EPS15L1: variants seen among roughly 807,000 people sequenced by gnomAD.
The protein encoded by EPS15L1 is epidermal growth factor receptor pathway substrate 15 like 1, also known as epidermal growth factor receptor substrate 15-like 1.
EPS15L1 carries 43 observed loss-of-function variants against 117.1 expected under a neutral mutation model. The observed-to-expected ratio is 0.37, with a 90% CI of 0.29 to 0.47. The LOEUF (loss-of-function observed/expected upper bound fraction) is 0.47, where lower values mean the gene tolerates loss of function less well. EPS15L1 is among the 20% of genes least tolerant of loss of function. The pLI is 0.99. For synonymous variants in EPS15L1, 459 were observed against 470.5 expected (o/e 0.98, Z 0.32); for missense variants, 981 against 1,164.0 (o/e 0.84, Z 2.29).
intron 9 of EPS15L1, among the ~76,000 whole-genome samples, chr19:16,424,507 T>C (rs1166768762): frequency 6.6e-6 from 1 of 151,898 alleles, no homozygotes; most frequent in Non-Finnish European, 1.5e-5. Flanking sequence ...TCAAAACTCT[T>C]GGCAAGAGCT....
At chr19:16,449,669 G>A (rs2093120911) in intron 1 of EPS15L1, among the ~76,000 whole-genome samples, 1 of 152,148 alleles carries the variant, frequency 6.6e-6, no homozygotes, top group African/African-American at 2.4e-5. Flanking sequence ...GAGAAATGAA[G>A]AGTCATGTTC....
chr19:16,444,605 C>T (rs1478268646), intron 1 of EPS15L1, among the ~76,000 whole-genome samples: 4 of 152,136 alleles, frequency 2.6e-5, no homozygotes, highest in African/African-American at 4.8e-5. Flanking sequence ...CAGGTCTAGG[C>T]AGCAAACAGC....
At position 16,433,747 on chromosome 19, in the gene EPS15L1, T is replaced by C. The variant is rs542441441; in HGVS notation, c.498+618A>G. Among the ~76,000 whole-genome samples the C allele has an allele frequency of 1.0e-3, 153 of 151,948 alleles. 2 individuals carry two copies. The highest frequency in any genetic ancestry group is 7.1e-3 in the South Asian group (34 of 4,798). On this transcript the variant is annotated intron_variant, in intron 7 of 23. Coordinates refer to ENST00000455140, the MANE Select transcript of EPS15L1 (RefSeq NM_001258374.3). ...TTTGGGAGGCCGAGGCGGGTGAATCTGAGATAGGAGTTTGGGACCAGCCTG... is the reference window on the plus strand; with the variant it reads ...TTTGGGAGGCCGAGGCGGGTGAATCCGAGATAGGAGTTTGGGACCAGCCTG...
chr19:16,440,613 G>A (rs552014998), intron 4 of EPS15L1: 2 of 268,420 alleles, frequency 7.5e-6, no homozygotes, highest in African/African-American at 4.4e-5. Context: ...TTAATCACAT[G>A]TAAGGTTACA....
In EPS15L1 at chr19:16,403,944, T is replaced by A. The variant is rs2092629140; in HGVS notation, c.1429-14A>T. 6.2e-7 allele frequency: 1 copy of A among 1,605,936 alleles called. No individual in the cohort carries two copies. Among genetic ancestry groups the A allele is most frequent in the Non-Finnish European group, 8.5e-7 (1 of 1,173,838 alleles). On this transcript the variant is annotated splice_polypyrimidine_tract_variant and intron_variant, in intron 14 of 23. Transcript: ENST00000455140. ...CAGTGATGAGATCTGAAATGAGATG[T>A]TAAAAGATGTTAAAGAGATTCACAG...
chr19:16,366,844 G>C (rs1396233875), intron 22 of EPS15L1, among the ~76,000 whole-genome samples: 1 of 152,162 alleles, frequency 6.6e-6, no homozygotes, highest in African/African-American at 2.4e-5. Flanking sequence ...TTTGCTCAGC[G>C]ATTTATTTTT....
At position 16,404,813 on chromosome 19, in the gene EPS15L1, G is replaced by C. The variant is rs989943006; in HGVS notation, c.1267-64C>G. 1.3e-6 allele frequency: 2 copies of C among 1,568,366 alleles called. No individual in the cohort carries two copies. Among genetic ancestry groups the C allele is most frequent in the African/African-American group, 2.7e-5 (2 of 74,274 alleles). On this transcript the variant is annotated intron_variant, in intron 13 of 23. Coordinates refer to ENST00000455140, the MANE Select transcript of EPS15L1 (RefSeq NM_001258374.3). This position sits in a 1 kb window ranked among gnomAD's most constrained non-coding sequence, Gnocchi z 4.2. ...AAATGAAGCATGTCCAAGATAACGG[G>C]GGGCAGCCTGGGCCAGAAGTCCAGG...
intron 8 of EPS15L1, 114 bp from the exon 9 acceptor site, chr19:16,425,430 G>A (rs903025364): frequency 5.1e-5 from 36 of 709,434 alleles, no homozygotes; most frequent in African/African-American, 3.4e-4. Context: ...CTGTCAGGAC[G>A]CTCCCAAGCT....
intron 16 of EPS15L1, among the ~76,000 whole-genome samples, chr19:16,398,684 T>C (rs982919876): frequency 1.3e-5 from 2 of 152,214 alleles, no homozygotes; most frequent in Non-Finnish European, 2.9e-5. Context: ...TCTCACTACG[T>C]TGCCCAGGCT....
chr19:16,392,415 T>C lies in EPS15L1; in HGVS notation c.1992A>G (p.Lys664=). Reference sequence around the variant, plus strand: ...CAGAGCCACGGAATGGGTCACTTTCTTTGAAAGGGTCCCCTCCAAATGGAT... The same window carrying C: ...CAGAGCCACGGAATGGGTCACTTTCCTTGAAAGGGTCCCCTCCAAATGGAT... ...STDPFGGDPF[K]ESDPFRGSAT... The change falls in exon 19 of 24, where the codon AAA becomes AAG. Residue 664 remains lysine (K), a synonymous_variant. Transcript: ENST00000455140. 6.2e-7 allele frequency: 1 copy of C among 1,614,148 alleles called. No individual in the cohort carries two copies.
At position 16,391,457 on chromosome 19, in the gene EPS15L1, A is replaced by G. The variant is rs545872443; in HGVS notation, c.2103+847T>C. Among the ~76,000 whole-genome samples, 56 of 152,272 alleles carry G rather than the reference A, an allele frequency of 3.7e-4. No individual in the cohort carries two copies. The South Asian group carries it at 3.9e-3, about 11-fold the overall frequency. On this transcript the variant is annotated intron_variant, in intron 19 of 23. Transcript: ENST00000455140. ...AAGCGCTAAAGACCAAAAGGTCCAC[A>G]GGGAGTGAGCGAGGTGGGCGCCAGG... is the stretch of plus-strand genomic sequence containing the variant.
intron 7 of EPS15L1, among the ~76,000 whole-genome samples, chr19:16,431,548 C>G (rs1452072601): frequency 6.6e-6 from 1 of 151,956 alleles, no homozygotes; most frequent in Admixed American, 6.6e-5. Flanking sequence ...GTGATCTGCC[C>G]GCCTCGGCCT....
intron 16 of EPS15L1, among the ~76,000 whole-genome samples, chr19:16,400,362 A>C (rs372738974): frequency 0.032 from 4,829 of 151,772 alleles, 129 homozygotes; most frequent in African/African-American, 0.057. Context: ...AAAACAAAAA[A>C]AAAAAAAAAC....
rs1458200066 is a variant in EPS15L1 at position 16,463,443 on chromosome 19, T to G, written c.33+8470A>C. ...CTCAGGCCAGGTTCCTCTTGATCACTTCATGCCCATATCACAGAGACTGTC... is the reference window on the plus strand; with the variant it reads ...CTCAGGCCAGGTTCCTCTTGATCACGTCATGCCCATATCACAGAGACTGTC... On this transcript the variant is annotated intron_variant, in intron 1 of 23. Transcript: ENST00000455140. Among the ~76,000 whole-genome samples, 7 of 152,112 alleles carry G rather than the reference T, an allele frequency of 4.6e-5. No individual in the cohort carries two copies. The South Asian group carries it at 1.5e-3, about 32-fold the overall frequency.
chr19:16,384,953 A>G (rs569328940), intron 21 of EPS15L1, among the ~76,000 whole-genome samples, 176 bp downstream of exon 21: 1 of 152,300 alleles, frequency 6.6e-6, no homozygotes, highest in South Asian at 2.1e-4. Flanking sequence ...GGCTCACCCC[A>G]CGGGACTGCA....
intron 1 of EPS15L1, among the ~76,000 whole-genome samples, chr19:16,452,828 G>A (rs1208431505): frequency 6.6e-6 from 1 of 150,880 alleles, no homozygotes; most frequent in Non-Finnish European, 1.5e-5. Flanking sequence ...ATGGAGTCTC[G>A]CTCTGTCCCC....
chr19:16,465,045 C>G (rs374324507), intron 1 of EPS15L1, among the ~76,000 whole-genome samples: 10 of 151,372 alleles, frequency 6.6e-5, no homozygotes, highest in African/African-American at 1.9e-4. Context: ...CACCACTGCA[C>G]TCCAGCCTGG....
chr19:16,426,646 GAAC>G (rs2092876020), intron 8 of EPS15L1, among the ~76,000 whole-genome samples: 1 of 151,846 alleles, frequency 6.6e-6, no homozygotes, highest in Non-Finnish European at 1.5e-5. Flanking sequence ...CTCAAAAACA[GAAC>G]AACGACAACA....
chr19:16,415,060 T>A (rs2092745224), intron 12 of EPS15L1, among the ~76,000 whole-genome samples: 1 of 152,228 alleles, frequency 6.6e-6, no homozygotes, highest in Admixed American at 6.5e-5. Context: ...CTAGCACTGC[T>A]GTAACAAATC....
Sources: allele counts gnomAD v4.1 joint callset (sites outside exome capture counted in the v4.1 genomes callset), GRCh38; gene constraint gnomAD v4.1.1; non-coding constraint Gnocchi (gnomAD v3.1); transcripts MANE v1.5; gene names NCBI Gene and HGNC (gene_info 2026-07-23, HGNC 2026-07-21).